The following GTF2H5 variants were observed in gnomAD, a reference collection of about 807,000 sequenced individuals.
The protein encoded by GTF2H5 is TFB5 ortholog.
Under a neutral mutation model 7.1 loss-of-function variants are expected in GTF2H5, and 5 were observed. The ratio of observed to expected loss-of-function variants is 0.71; its 90% CI spans 0.37 to 1.49. The LOEUF (loss-of-function observed/expected upper bound fraction) is 1.49. Among genes scored for constraint, GTF2H5 ranks in the 40% most tolerant of loss-of-function variants. The pLI, the probability that GTF2H5 is intolerant of heterozygous loss-of-function variation, is 0.03. For synonymous variants in GTF2H5, 30 were observed against 31.7 expected, an observed-to-expected ratio of 0.95 and a Z score of 0.18; for missense variants, 80 against 83.0, an observed-to-expected ratio of 0.96 and a Z score of 0.14.
intron 2 of GTF2H5, among the ~76,000 whole-genome samples, chr6:158,178,536 C>T (rs34679201): frequency 1.0e-3 from 152 of 150,140 alleles, no homozygotes; most frequent in East Asian, 9.7e-3. Context: ...TTTTAATGAT[C>T]GCAATTCTAA....
chr6:158,190,577 A>G lies in GTF2H5; in HGVS notation c.36-1400A>G, dbSNP rs992846954. The G allele has an allele frequency of 1.8e-4, 74 of 408,342 alleles. No individual in the cohort carries two copies. The Middle Eastern group carries it at 3.2e-3, about 18-fold the overall frequency. 25.3% of individuals were successfully genotyped at this position (408,342 alleles called of 1,614,324 possible). A position where few individuals can be genotyped will look rare whatever the true frequency, so the allele number is the denominator to read the frequency against. On this transcript the variant is annotated intron_variant, in intron 2 of 2. Transcript: ENST00000607778. ...AAGTTAAATCATGTCACTTGGTAAAACCCAAAGTCCCCCAAATCAGTTCTG... is the reference window on the plus strand; with the variant it reads ...AAGTTAAATCATGTCACTTGGTAAAGCCCAAAGTCCCCCAAATCAGTTCTG...
At chr6:158,190,586 C>T in intron 2 of GTF2H5, 1 of 421,604 alleles carries the variant, frequency 2.4e-6, no homozygotes. Flanking sequence ...AACCCAAAGT[C>T]CCCCAAATCA....
chr6:158,178,583 G>A (rs1352113356), intron 2 of GTF2H5, among the ~76,000 whole-genome samples: 1 of 151,376 alleles, frequency 6.6e-6, no homozygotes, highest in East Asian at 1.9e-4. Context: ...GTTTTGATTT[G>A]CATTACTCTA....
intron 2 of GTF2H5, among the ~76,000 whole-genome samples, chr6:158,182,745 T>C (rs928796701): frequency 3.3e-5 from 5 of 152,098 alleles, no homozygotes; most frequent in South Asian, 2.1e-4. Context: ...TAAGCTCTTC[T>C]CTACACTGGT....
chr6:158,184,528 C>G (rs1187353609), intron 2 of GTF2H5, among the ~76,000 whole-genome samples: 1 of 152,134 alleles, frequency 6.6e-6, no homozygotes, highest in African/African-American at 2.4e-5. Context: ...TAAGACCCTA[C>G]TCATGTACCA....
chr6:158,190,686 T>TAAA, intron 2 of GTF2H5: 1 of 447,572 alleles, frequency 2.2e-6, no homozygotes, highest in Non-Finnish European at 4.4e-6. Flanking sequence ...CTTATTTTTC[T>TAAA]TGTTTTCAGT....
chr6:158,176,012 T>C (rs1008155260), intron 2 of GTF2H5, among the ~76,000 whole-genome samples: 11 of 152,202 alleles, frequency 7.2e-5, no homozygotes, highest in Admixed American at 5.2e-4. Flanking sequence ...CTTGCTAATA[T>C]TAATTTAGTT....
rs529681719 is a variant in GTF2H5 at position 158,196,702 on chromosome 6, G to A, written c.*4545G>A. On this transcript the variant is annotated 3_prime_UTR_variant, in exon 3 of 3. Coordinates refer to ENST00000607778, the MANE Select transcript of GTF2H5 (RefSeq NM_207118.3). ...ATGGCAAAGCTTAGGTGGAAGAATGGTGCAATCATTGATGCTTTGCAAAAA... is the reference window on the plus strand; with the variant it reads ...ATGGCAAAGCTTAGGTGGAAGAATGATGCAATCATTGATGCTTTGCAAAAA... 164 of 152,308 alleles carry A rather than the reference G, an allele frequency of 1.1e-3. 1 individual carries two copies. Among genetic ancestry groups the A allele is most frequent in the African/African-American group, 3.8e-3 (157 of 41,572 alleles). The allele number at this position is 152,308 out of a possible 1,614,324, so 9.4% of individuals were successfully genotyped here. A position where few individuals can be genotyped will look rare whatever the true frequency, so the allele number is the denominator to read the frequency against.
intron 2 of GTF2H5, among the ~76,000 whole-genome samples, chr6:158,186,389 G>C (rs963019258): frequency 7.9e-5 from 12 of 152,324 alleles, no homozygotes; most frequent in Non-Finnish European, 1.5e-4. Flanking sequence ...CAGTTACTGA[G>C]AATAAATTGG....
chr6:158,170,532 T>G lies in GTF2H5; in HGVS notation c.29T>G (p.Ile10Arg). 6.2e-7 allele frequency: 1 copy of G among 1,606,416 alleles called. No homozygotes were observed. The highest frequency in any genetic ancestry group is 8.5e-7 in the Non-Finnish European group (1 of 1,172,912). ...GTCAACGTCTTGAAAGGAGTGCTTA[T>G]AGAATGGTTAGTAGTTTTGATACTG... MVNVLKGVLIECDPAMKQFL... is the reference protein window; with the variant it reads MVNVLKGVLRECDPAMKQFL... The change falls in exon 2 of 3, where the codon ATA (isoleucine) becomes AGA (arginine). Residue 10 changes from isoleucine (I) to arginine (R), a missense_variant. Physicochemically the swap from Ile to Arg is moderately conservative, Grantham distance 97. Coordinates refer to ENST00000607778, the MANE Select transcript of GTF2H5 (RefSeq NM_207118.3).
Position 158,169,419 on chromosome 6 carries a change from TATATAA to T in GTF2H5, c.-35+1025_-35+1030del, listed in dbSNP as rs1562467946. Among the ~76,000 whole-genome samples the T allele has an allele frequency of 2.0e-4, 18 of 88,382 alleles. 1 individual carries two copies. The highest frequency in any genetic ancestry group is 5.6e-4 in the South Asian group (2 of 3,578). The allele number at this position is 88,382 out of a possible 152,430, so 58.0% of individuals were successfully genotyped here. A position where few individuals can be genotyped will look rare whatever the true frequency, so the allele number is the denominator to read the frequency against. The stretch of plus-strand genomic sequence containing the variant: ...ATATTATATTGTATATTATATATTA[TATATAA>T]TATATTGTATATTATATATATTATA... On this transcript the variant is annotated intron_variant, in intron 1 of 2. Transcript: ENST00000607778.
In GTF2H5 at chr6:158,195,088, A is replaced by G. The variant is rs1743451450; in HGVS notation, c.*2931A>G. 6.6e-6 allele frequency: 1 copy of G among 152,058 alleles called. No homozygotes were observed. The allele number at this position is 152,058 out of a possible 1,614,324, so 9.4% of individuals were successfully genotyped here. On this transcript the variant is annotated 3_prime_UTR_variant, in exon 3 of 3. Coordinates refer to ENST00000607778, the MANE Select transcript of GTF2H5 (RefSeq NM_207118.3). Reference sequence around the variant, plus strand: ...TGACTAGCATTATTTGATTTGGCATACTTTACATGTCCAGAACAAGGCTGT... The same window carrying G: ...TGACTAGCATTATTTGATTTGGCATGCTTTACATGTCCAGAACAAGGCTGT...
At chr6:158,169,446 T>TTATA (rs1491207655) in intron 1 of GTF2H5, among the ~76,000 whole-genome samples, 2 of 57,098 alleles carry the variant, frequency 3.5e-5, no homozygotes, top group Non-Finnish European at 5.6e-5. Context: ...ATTATATATA[T>TTATA]TATATATTAT....
chr6:158,169,083 A>G (rs1331090435), intron 1 of GTF2H5, among the ~76,000 whole-genome samples: 2 of 150,948 alleles, frequency 1.3e-5, no homozygotes, highest in Non-Finnish European at 2.9e-5. Context: ...AAAATACAAA[A>G]TTTGGCCTGG....
At chr6:158,179,502 T>C (rs750498090) in intron 2 of GTF2H5, among the ~76,000 whole-genome samples, 19 of 152,232 alleles carry the variant, frequency 1.2e-4, no homozygotes, top group Non-Finnish European at 2.6e-4. Flanking sequence ...TCCCTTTGTG[T>C]CCTCTCTTAT....
At chr6:158,188,618 G>T (rs1776969642) in intron 2 of GTF2H5, among the ~76,000 whole-genome samples, 1 of 151,972 alleles carries the variant, frequency 6.6e-6, no homozygotes, top group Non-Finnish European at 1.5e-5. Flanking sequence ...TACTGTTCTA[G>T]AAAATCTTTT....
intron 1 of GTF2H5, among the ~76,000 whole-genome samples, chr6:158,169,772 A>AATATAATATATTGTATATTATATATT (rs1785814470): frequency 1.9e-5 from 1 of 53,954 alleles, no homozygotes. Flanking sequence ...TATTATATAT[A>AATATAATATATTGTATATTATATATT]ATATATTGTA....
At chr6:158,169,288 ATTTAT>A in intron 1 of GTF2H5, among the ~76,000 whole-genome samples, 1 of 128,258 alleles carries the variant, frequency 7.8e-6, no homozygotes, top group African/African-American at 3.0e-5. Context: ...TATAATATAT[ATTTAT>A]TTTATATATA....
chr6:158,177,156 G>A (rs1395989720), intron 2 of GTF2H5, among the ~76,000 whole-genome samples: 2 of 152,212 alleles, frequency 1.3e-5, no homozygotes, highest in African/African-American at 2.4e-5. Flanking sequence ...GATAGGGATA[G>A]AACTAATTGT....
Sources: gnomAD v4.1 joint callset for allele counts (sites outside exome capture counted in the v4.1 genomes callset) on GRCh38, gnomAD v4.1.1 for gene constraint, MANE v1.5 for transcripts, NCBI Gene and HGNC (gene_info 2026-07-23, HGNC 2026-07-21) for gene names.